TMEM41B: variants seen among roughly 807,000 people sequenced by gnomAD.
The protein encoded by TMEM41B is protein stasimon.
A neutral mutation model predicts 31.9 loss-of-function variants in TMEM41B; 18 were observed. The observed-to-expected ratio is 0.56, with a 90% CI of 0.39 to 0.84. The LOEUF (loss-of-function observed/expected upper bound fraction) is 0.84, where lower values mean the gene tolerates loss of function less well. Among genes scored for constraint, TMEM41B ranks in the 40% least tolerant of loss-of-function variants. TMEM41B has a pLI of 0.00. For missense variants in TMEM41B, 322 were observed against 348.0 expected (o/e 0.93, Z 0.59); for synonymous variants, 144 against 124.3 (o/e 1.16, Z -1.05).
chr11:9,314,275 C>T, intron 1 of TMEM41B, 46 bp downstream of exon 1: 1 of 1,551,060 alleles, frequency 6.4e-7, no homozygotes, highest in Non-Finnish European at 8.7e-7. Flanking sequence ...ACCCGACACA[C>T]AGAAGCCTCG....
chr11:9,296,950 GCT>G (rs146466054), intron 2 of TMEM41B, among the ~76,000 whole-genome samples: 8,927 of 152,160 alleles, frequency 0.059, 355 homozygotes, highest in South Asian at 0.1. Context: ...AGGCTCCCAT[GCT>G]CTGTCACCCA....
Position 9,288,567 on chromosome 11 carries a change from A to C in TMEM41B, c.369-32T>G, listed in dbSNP as rs75446893. 2.0e-5 allele frequency: 28 copies of C among 1,413,288 alleles called. No individual in the cohort carries two copies. In the African/African-American group the frequency reaches 3.8e-4, roughly 19 times the overall value. 87.5% of individuals were successfully genotyped at this position (1,413,288 alleles called of 1,614,324 possible). On this transcript the variant is annotated intron_variant, in intron 3 of 6. Coordinates refer to ENST00000528080, the MANE Select transcript of TMEM41B (RefSeq NM_015012.4). ...ACTTTTAAGTTAAGGATTAGAATAT[A>C]ATTAAGTAGAATTTTAAAAGACAAA...
At chr11:9,301,004 T>C (rs1853242367) in intron 1 of TMEM41B, among the ~76,000 whole-genome samples, 1 of 152,268 alleles carries the variant, frequency 6.6e-6, no homozygotes, top group South Asian at 2.1e-4. Context: ...CAACTTTACA[T>C]TGCACTCACT....
chr11:9,288,388 T>C, intron 4 of TMEM41B, 54 bp downstream of exon 4: 1 of 1,239,078 alleles, frequency 8.1e-7, no homozygotes, highest in Non-Finnish European at 1.1e-6. Context: ...ATCATCATCA[T>C]CCTCATCATT....
intron 3 of TMEM41B, among the ~76,000 whole-genome samples, chr11:9,289,697 A>G (rs1852911882): frequency 6.6e-6 from 1 of 152,164 alleles, no homozygotes; most frequent in Non-Finnish European, 1.5e-5. Flanking sequence ...CCACTATGCT[A>G]TTGAAACTTC....
Position 9,287,823 on chromosome 11 carries a change from G to C in TMEM41B, c.463-17C>G. The C allele has an allele frequency of 8.9e-6, 14 of 1,567,732 alleles. No homozygotes were observed. The highest frequency in any genetic ancestry group is 1.2e-5 in the Non-Finnish European group (14 of 1,146,422). On this transcript the variant is annotated splice_polypyrimidine_tract_variant and intron_variant, in intron 4 of 6. Coordinates refer to ENST00000528080, the MANE Select transcript of TMEM41B (RefSeq NM_015012.4). ...TCCAGAACACTGGAAAACAAAAGAA[G>C]CCATAAGCGTTTTGTATTTTTCCGT...
intron 3 of TMEM41B, among the ~76,000 whole-genome samples, chr11:9,290,431 T>C (rs1262901957): frequency 6.6e-6 from 1 of 151,884 alleles, no homozygotes; most frequent in African/African-American, 2.4e-5. Flanking sequence ...CATATGTAAA[T>C]GTAGAAATAC....
chr11:9,290,496 G>A (rs1034928964), intron 3 of TMEM41B, among the ~76,000 whole-genome samples: 8 of 151,654 alleles, frequency 5.3e-5, no homozygotes, highest in East Asian at 1.9e-4. Flanking sequence ...ACACATATAC[G>A]TATGTAACAA....
intron 3 of TMEM41B, among the ~76,000 whole-genome samples, chr11:9,294,313 G>C (rs1460442131): frequency 1.3e-5 from 2 of 151,310 alleles, no homozygotes; most frequent in Non-Finnish European, 2.9e-5. Flanking sequence ...TGGCCAACAT[G>C]GTGAAACTCC....
At chr11:9,289,743 C>T (rs1852912720) in intron 3 of TMEM41B, among the ~76,000 whole-genome samples, 1 of 152,160 alleles carries the variant, frequency 6.6e-6, no homozygotes, top group Non-Finnish European at 1.5e-5. Context: ...CAATAGTCAC[C>T]TTTCAGTGAT....
rs1185908535 is a variant in TMEM41B, at chr11:9,281,132, C to T, written c.*2292G>A. The T allele has an allele frequency of 6.6e-6, 1 of 152,042 alleles. No individual in the cohort carries two copies. The highest frequency in any genetic ancestry group is 2.4e-5 in the African/African-American group (1 of 41,406). The allele number at this position is 152,042 out of a possible 1,614,324, so 9.4% of individuals were successfully genotyped here. On this transcript the variant is annotated 3_prime_UTR_variant, in exon 7 of 7. Coordinates refer to ENST00000528080, the MANE Select transcript of TMEM41B (RefSeq NM_015012.4). ...CTGAGAATAGAGTAAGTACAATTTA[C>T]ACACGCTGGAGTAAATAGTGAAGCT...
At chr11:9,287,477 T>C (rs1032746496) in intron 5 of TMEM41B, among the ~76,000 whole-genome samples, 1 of 152,218 alleles carries the variant, frequency 6.6e-6, no homozygotes, top group Non-Finnish European at 1.5e-5. Flanking sequence ...GATAAAGAAT[T>C]AAAATTACCA....
rs771157991 is a variant in TMEM41B, at chr11:9,283,596, GAAATA to G, written c.707-8_707-4del. Reference sequence around the variant, plus strand: ...TACAAAAGAAGGAGGTGCGACACCTGAAATAAAATATAAAAAGATACAGTAAAAAC... The same window carrying G: ...TACAAAAGAAGGAGGTGCGACACCTGAAATATAAAAAGATACAGTAAAAAC... On this transcript the variant is annotated splice_polypyrimidine_tract_variant and splice_region_variant and intron_variant, in intron 6 of 6. Transcript: ENST00000528080. 5.0e-6 allele frequency: 8 copies of G among 1,595,098 alleles called. No individual in the cohort carries two copies. The highest frequency in any genetic ancestry group is 6.8e-6 in the Non-Finnish European group (8 of 1,174,860).
At chr11:9,299,730 A>T in intron 1 of TMEM41B, 29 bp from the exon 2 acceptor site, 1 of 1,443,822 alleles carries the variant, frequency 6.9e-7, no homozygotes, top group Non-Finnish European at 9.6e-7. Context: ...TATAATTAAG[A>T]TAAATATAAA....
intron 5 of TMEM41B, among the ~76,000 whole-genome samples, chr11:9,286,853 A>G (rs1386865811): frequency 6.6e-6 from 1 of 151,692 alleles, no homozygotes; most frequent in East Asian, 1.9e-4. Flanking sequence ...ACAAAAAATT[A>G]GCCGGGCATG....
chr11:9,288,582 T>C (rs780290889), intron 3 of TMEM41B, 47 bp from the exon 4 acceptor site: 4 of 1,333,738 alleles, frequency 3.0e-6, no homozygotes, highest in African/African-American at 1.5e-5. Context: ...AGTAGAATTT[T>C]AAAAGACAAA....
At chr11:9,312,898 C>T (rs113640226) in intron 1 of TMEM41B, among the ~76,000 whole-genome samples, 19,531 of 112,088 alleles carry the variant, frequency 0.17, 1,699 homozygotes, top group Non-Finnish European at 0.23. Flanking sequence ...ACCGAGACTC[C>T]GTCTCAAAAA....
intron 1 of TMEM41B, 115 bp downstream of exon 1, chr11:9,314,206 G>T (rs1383560508): frequency 1.5e-6 from 2 of 1,319,768 alleles, no homozygotes; most frequent in Non-Finnish European, 2.0e-6. Context: ...CCGCCGCGGC[G>T]CCAGCAGGCC....
intron 2 of TMEM41B, among the ~76,000 whole-genome samples, chr11:9,298,775 G>GAAA (rs35116259): frequency 3.2e-4 from 46 of 143,902 alleles, no homozygotes; most frequent in African/African-American, 1.1e-3. Flanking sequence ...CTCAAATGAA[G>GAAA]AAAAAAAAAA....
Sources: gnomAD v4.1 joint callset for allele counts (sites outside exome capture counted in the v4.1 genomes callset) on GRCh38, gnomAD v4.1.1 for gene constraint, MANE v1.5 for transcripts, NCBI Gene and HGNC (gene_info 2026-07-23, HGNC 2026-07-21) for gene names.